The following TTLL8 variants were observed in gnomAD, a reference collection of about 807,000 sequenced individuals.
TTLL8 encodes protein monoglycylase TTLL8.
A neutral mutation model predicts 77.8 loss-of-function variants in TTLL8; 65 were observed. The ratio of observed to expected loss-of-function variants is 0.84; its 90% confidence interval spans 0.68 to 1.03. TTLL8 has a LOEUF of 1.03. Among genes scored for constraint, TTLL8 ranks in the 50% least tolerant of loss-of-function variants. The pLI is 0.00. For synonymous variants in TTLL8, 402 were observed against 422.8 expected (o/e 0.95, Z 0.60); for missense variants, 910 against 1,004.5 (o/e 0.91, Z 1.27).
chr22:50,030,609 A>C, exon 12 of TTLL8: 1 of 1,295,710 alleles, frequency 7.7e-7, no homozygotes, highest in Non-Finnish European at 1.0e-6. Context: ...CGGGAGCTCC[A>C]CCTTCCCAGC....
upstream of TTLL8, chr22:50,056,752 T>A (rs1186281422): frequency 7.8e-7 from 1 of 1,281,300 alleles, no homozygotes; most frequent in Non-Finnish European, 1.0e-6. The surrounding 1 kb of genome is among the most constrained non-coding windows in gnomAD (Gnocchi z 4.1). Flanking sequence ...TGCAGCTCAG[T>A]GAAGTGCCTG....
At chr22:50,033,588 G>A (rs1317127583) in intron 9 of TTLL8, 143 bp from the exon 11 acceptor site, 3 of 660,602 alleles carry the variant, frequency 4.5e-6, no homozygotes, top group African/African-American at 3.8e-5. Flanking sequence ...TGGTTGGTGG[G>A]GGCGATGGGG....
At position 50,027,551 on chromosome 22, in the gene TTLL8, A is replaced by G. The variant is rs1362860009; in HGVS notation, c.2203+2879T>C. The G allele has an allele frequency of 6.4e-5, 49 of 770,804 alleles. No homozygotes were observed. The East Asian group carries it at 5.1e-3, about 81-fold the overall frequency. 47.7% of individuals were successfully genotyped at this position (770,804 alleles called of 1,614,324 possible). A position where few individuals can be genotyped will look rare whatever the true frequency, so the allele number is the denominator to read the frequency against. On this transcript the variant is annotated intron_variant, in intron 12 of 13. Coordinates refer to ENST00000266182, the Ensembl canonical transcript of TTLL8. ...TCCGTCTCAAAAAAAAAAAAAAAAA[A>G]GGATGTCCGTTCTCCCCAAGATCTG...
Position 50,047,297 on chromosome 22 carries a change from C to G in TTLL8, c.265-1G>C. The stretch of plus-strand genomic sequence containing the variant: ...GCATCTCATTTTTTACCAACCTAGA[C>G]TGGCAAGAAAAAAGTCTTTATTGAT... On this transcript the variant is annotated splice_acceptor_variant, in intron 3 of 13. Transcript: ENST00000266182. LOFTEE classifies it high-confidence loss of function. 7.3e-7 allele frequency: 1 copy of G among 1,367,456 alleles called. No homozygotes were observed. The highest frequency in any genetic ancestry group is 2.1e-4 in the Middle Eastern group (1 of 4,764). 84.7% of individuals were successfully genotyped at this position (1,367,456 alleles called of 1,614,324 possible).
rs746316636 is a variant in TTLL8 at position 50,034,544 on chromosome 22, G to A, written c.922-82C>T. 7.8e-7 allele frequency: 1 copy of A among 1,277,694 alleles called. No individual in the cohort carries two copies. Among genetic ancestry groups the A allele is most frequent in the Non-Finnish European group, 1.0e-6 (1 of 973,688 alleles). 79.1% of individuals were successfully genotyped at this position (1,277,694 alleles called of 1,614,324 possible). A position where few individuals can be genotyped will look rare whatever the true frequency, so the allele number is the denominator to read the frequency against. ...TCCAGAAAGTGCATGAGACTTGGAG[G>A]CCTGGGCCCCGCCTCACCCACCAAG... is the stretch of plus-strand genomic sequence containing the variant. On this transcript the variant is annotated intron_variant, in intron 8 of 13. Transcript: ENST00000266182. This position sits in a 1 kb window ranked among gnomAD's most constrained non-coding sequence, Gnocchi z 4.1.
intron 8 of TTLL8, among the ~76,000 whole-genome samples, chr22:50,036,093 C>T (rs535438250): frequency 1.8e-3 from 272 of 152,312 alleles, no homozygotes; most frequent in Non-Finnish European, 2.1e-3. Flanking sequence ...CAGATGCTGA[C>T]GGCGAGCAGG....
At position 50,026,435 on chromosome 22, in the gene TTLL8, C is replaced by T. The variant is rs13057456; in HGVS notation, c.2203+3995G>A. On this transcript the variant is annotated intron_variant, in intron 12 of 13. Coordinates refer to ENST00000266182, the Ensembl canonical transcript of TTLL8. ...CCACCTCAGAGCGGAGGGTCAGACA[C>T]GGAAATACGCCTGCCACTCTGCACA... Among the ~76,000 whole-genome samples, 3 of 121,182 alleles carry T rather than the reference C, an allele frequency of 2.5e-5. 1 individual carries two copies. The highest frequency in any genetic ancestry group is 3.7e-5 in the Non-Finnish European group (2 of 54,288). The allele number at this position is 121,182 out of a possible 152,430, so 79.5% of individuals were successfully genotyped here.
upstream of TTLL8, chr22:50,055,350 A>T: frequency 2.3e-6 from 3 of 1,289,204 alleles, no homozygotes; most frequent in Non-Finnish European, 3.0e-6. Flanking sequence ...GAGGACATCA[A>T]GTCAAAGGAC....
rs5771312 is a variant in TTLL8 at position 50,034,967 on chromosome 22, G to C, written c.922-505C>G. ...GGCCAGCTGCCAGCACCACATCCTG[G>C]GAGCTCAGCATCATTCTGACTCAAG... is the stretch of plus-strand genomic sequence containing the variant. On this transcript the variant is annotated intron_variant, in intron 8 of 13. Coordinates refer to ENST00000266182, the Ensembl canonical transcript of TTLL8. This position sits in a 1 kb window ranked among gnomAD's most constrained non-coding sequence, Gnocchi z 4.1. Among the ~76,000 whole-genome samples, 74,109 of 152,158 alleles carry C rather than the reference G, an allele frequency of 0.49. 18,789 individuals are homozygous for C. Among genetic ancestry groups the C allele is most frequent in the Non-Finnish European group, 0.57 (38,617 of 67,966 alleles).
upstream of TTLL8, chr22:50,056,833 C>A (rs1373073478): frequency 1.6e-6 from 2 of 1,289,506 alleles, no homozygotes; most frequent in African/African-American, 3.0e-5. The surrounding 1 kb of genome is among the most constrained non-coding windows in gnomAD (Gnocchi z 4.1). Flanking sequence ...CCACTCTGGG[C>A]GAGTGGCTGG....
rs750185240 is a variant in TTLL8, at chr22:50,031,824, G to T, written c.1569C>A (p.Ile523=). The T allele has an allele frequency of 4.4e-6, 6 of 1,367,128 alleles. No individual in the cohort carries two copies. The South Asian group carries it at 4.5e-5, about 10-fold the overall frequency. The allele number at this position is 1,367,128 out of a possible 1,614,324, so 84.7% of individuals were successfully genotyped here. A position where few individuals can be genotyped will look rare whatever the true frequency, so the allele number is the denominator to read the frequency against. The change falls in exon 11 of 14, where the codon ATC becomes ATA. Residue 523 remains isoleucine (I), a synonymous_variant. Coordinates refer to ENST00000266182, the Ensembl canonical transcript of TTLL8. ...GCATGGTGGGGCTGGAATTGATCTC[G>T]ATCAGCCAGGGCCTGAAGTCCCTCC...
chr22:50,050,204 C>G (rs538048026), exon 2 of TTLL8: 15 of 1,358,590 alleles, frequency 1.1e-5, no homozygotes, highest in Non-Finnish European at 1.4e-5. Context: ...CAGAGCGGCC[C>G]GGACCACCGG....
rs1569218202 is a variant in TTLL8 at position 50,021,810 on chromosome 22, C to CG, written c.2204-5249_2204-5248insC. 6.8e-4 allele frequency among the ~76,000 whole-genome samples: 83 copies of CG among 121,344 alleles called. 2 individuals carry two copies. The highest frequency in any genetic ancestry group is 2.3e-3 in the African/African-American group (76 of 32,900). 79.6% of individuals were successfully genotyped at this position (121,344 alleles called of 152,430 possible). On this transcript the variant is annotated intron_variant, in intron 12 of 13. Transcript: ENST00000266182. ...TGACGACGTGCACTCCTCCATCTGA[C>CG]ATGCACTCCTCCATCTGACGACGTG... is the stretch of plus-strand genomic sequence containing the variant.
chr22:50,057,392 G>A (rs1364785191), upstream of TTLL8, among the ~76,000 whole-genome samples: 2 of 124,292 alleles, frequency 1.6e-5, no homozygotes, highest in Admixed American at 7.8e-5. Context: ...TCTGGGTTGG[G>A]GTCAGGTCTG....
At chr22:50,055,328 G>A, upstream of TTLL8, 1 of 1,289,734 alleles carries the variant, frequency 7.8e-7, no homozygotes. Flanking sequence ...TTTTAATTCT[G>A]CAAAAGAGAA....
intron 12 of TTLL8, among the ~76,000 whole-genome samples, chr22:50,019,997 A>G (rs1157850816): frequency 1.3e-5 from 2 of 152,258 alleles, no homozygotes; most frequent in African/African-American, 2.4e-5. Flanking sequence ...TAACAATCTG[A>G]AAACTCTAAA....
upstream of TTLL8, among the ~76,000 whole-genome samples, chr22:50,057,309 ACTGGGTTTGGTGTCAGGT>A (rs1569236920): frequency 5.3e-4 from 39 of 73,762 alleles, no homozygotes; most frequent in African/African-American, 2.3e-3. Context: ...GGGGGTCAGG[ACTGGGTTTGGTGTCAGGT>A]CTGGGTTGTG....
exon 5 of TTLL8, chr22:50,045,967 C>G (rs774158813): frequency 2.2e-6 from 3 of 1,352,810 alleles, no homozygotes; most frequent in South Asian, 2.3e-5. Flanking sequence ...ACGCACAGCC[C>G]GATCTCCAGA....
intron 1 of TTLL8, among the ~76,000 whole-genome samples, chr22:50,054,118 G>T (rs1486527445): frequency 6.6e-6 from 1 of 152,224 alleles, no homozygotes; most frequent in African/African-American, 2.4e-5. Context: ...CCTCAGAGGG[G>T]AGTTAAGGGA....
Sources: gnomAD v4.1 joint callset for allele counts (sites outside exome capture counted in the v4.1 genomes callset) on GRCh38, gnomAD v4.1.1 for gene constraint, Gnocchi (gnomAD v3.1) non-coding constraint, MANE v1.5 for transcripts, NCBI Gene and HGNC (gene_info 2026-07-23, HGNC 2026-07-21) for gene names.